Variants in SUGCT observed in about 807,000 individuals in gnomAD.
SUGCT encodes succinyl-CoA:glutarate CoA-transferase.
Under a neutral mutation model 55.0 loss-of-function variants are expected in SUGCT, and 41 were observed. The observed-to-expected ratio is 0.74, with a 90% CI of 0.58 to 0.97. SUGCT has a LOEUF of 0.97. SUGCT is among the 50% of genes least tolerant of loss of function. The pLI is 0.00. For synonymous variants in SUGCT, 187 were observed against 200.4 expected (o/e 0.93, Z 0.56); for missense variants, 568 against 547.8 (o/e 1.04, Z -0.37).
At chr7:40,430,024 T>G (rs146654029) in intron 9 of SUGCT, among the ~76,000 whole-genome samples, 5 of 152,184 alleles carry the variant, frequency 3.3e-5, no homozygotes, top group Non-Finnish European at 5.9e-5. Flanking sequence ...TTTTAAAAGC[T>G]GAACAATATA....
At chr7:40,919,404 C>T in the SUGCT span, among the ~76,000 whole-genome samples, 53 of 152,356 alleles carry the variant, frequency 3.5e-4, no homozygotes, top group Admixed American at 1.7e-3. Flanking sequence ...ACCATCTTCA[C>T]CATTTTCTGT....
chr7:40,460,046 T>C (rs1398660386), intron 11 of SUGCT, among the ~76,000 whole-genome samples: 2 of 152,204 alleles, frequency 1.3e-5, no homozygotes, highest in East Asian at 3.8e-4. Flanking sequence ...TTAAATACCA[T>C]ATTTAGCCTT....
intron 1 of SUGCT, among the ~76,000 whole-genome samples, chr7:40,176,037 G>T (rs1315442708): frequency 6.6e-6 from 1 of 152,072 alleles, no homozygotes; most frequent in Non-Finnish European, 1.5e-5. Context: ...TTGGAGATCA[G>T]CCTGGCCAAC....
chr7:40,357,728 T>A (rs1405256450), intron 9 of SUGCT, among the ~76,000 whole-genome samples: 4 of 152,158 alleles, frequency 2.6e-5, no homozygotes, highest in Admixed American at 1.3e-4. Context: ...TTTATCTTTT[T>A]TCTTTTTTCT....
chr7:40,291,606 G>A (rs1001081182), intron 8 of SUGCT, among the ~76,000 whole-genome samples: 3 of 151,252 alleles, frequency 2.0e-5, no homozygotes, highest in Non-Finnish European at 4.4e-5. Context: ...GTATACATAT[G>A]TAACAAACCT....
At chr7:40,378,111 G>T (rs1784694019) in intron 9 of SUGCT, among the ~76,000 whole-genome samples, 1 of 27,884 alleles carries the variant, frequency 3.6e-5, no homozygotes, top group African/African-American at 7.1e-5. Context: ...TGATGTGTAG[G>T]ATATTTTTTT....
chr7:40,973,552 A>C, the SUGCT span, among the ~76,000 whole-genome samples: 1 of 152,322 alleles, frequency 6.6e-6, no homozygotes, highest in South Asian at 2.1e-4. Flanking sequence ...GCACGTCTGA[A>C]CTATCAGAGA....
At chr7:40,167,479 G>T (rs1329044196) in intron 1 of SUGCT, among the ~76,000 whole-genome samples, 1 of 152,112 alleles carries the variant, frequency 6.6e-6, no homozygotes, top group East Asian at 1.9e-4. Context: ...CCAAGATGGT[G>T]GCAGGCTGCT....
intron 12 of SUGCT, among the ~76,000 whole-genome samples, chr7:40,540,931 C>T (rs1406994215): frequency 6.6e-6 from 1 of 152,218 alleles, no homozygotes; most frequent in African/African-American, 2.4e-5. Context: ...CAATATGTAA[C>T]TGTTCTCATC....
At chr7:40,938,419 G>T in the SUGCT span, among the ~76,000 whole-genome samples, 1 of 150,372 alleles carries the variant, frequency 6.7e-6, no homozygotes, top group African/African-American at 2.5e-5. Flanking sequence ...TTGCCCTGAA[G>T]ATTACAAATA....
chr7:40,936,429 A>G, the SUGCT span, among the ~76,000 whole-genome samples: 7 of 151,776 alleles, frequency 4.6e-5, no homozygotes, highest in Non-Finnish European at 8.8e-5. Context: ...TTTTGTTATT[A>G]TTAATAATGT....
At chr7:40,483,951 G>A (rs748876517) in intron 11 of SUGCT, among the ~76,000 whole-genome samples, 4 of 152,140 alleles carry the variant, frequency 2.6e-5, no homozygotes, top group African/African-American at 4.8e-5. Flanking sequence ...CTGACTGAGA[G>A]GCTCTGCTTC....
chr7:40,905,417 T>C, the SUGCT span, among the ~76,000 whole-genome samples: 2 of 152,232 alleles, frequency 1.3e-5, no homozygotes, highest in African/African-American at 4.8e-5. Context: ...AGAGCAAGCA[T>C]AACTAATATT....
the SUGCT span, among the ~76,000 whole-genome samples, chr7:40,983,189 A>G: frequency 1.3e-5 from 2 of 152,002 alleles, no homozygotes; most frequent in Non-Finnish European, 2.9e-5. Context: ...GTTGTAGATC[A>G]TGTTCCTTCA....
chr7:40,974,309 A>G, the SUGCT span, among the ~76,000 whole-genome samples: 1 of 152,210 alleles, frequency 6.6e-6, no homozygotes, highest in Non-Finnish European at 1.5e-5. Context: ...ATAACCCTCC[A>G]ATGTGACTAT....
At chr7:40,355,018 A>G (rs74348646) in intron 9 of SUGCT, among the ~76,000 whole-genome samples, 2,498 of 152,214 alleles carry the variant, frequency 0.016, 46 homozygotes, top group African/African-American at 0.051. Flanking sequence ...ATCGTACCTC[A>G]GTCATTAGTT....
chr7:40,559,547 G>GAA (rs1795733244), intron 12 of SUGCT, among the ~76,000 whole-genome samples: 1 of 152,190 alleles, frequency 6.6e-6, no homozygotes, highest in Non-Finnish European at 1.5e-5. Flanking sequence ...AAATGAAGAA[G>GAA]AAAGGGGGTG....
intron 12 of SUGCT, among the ~76,000 whole-genome samples, chr7:40,666,847 C>T (rs182488939): frequency 1.3e-5 from 2 of 152,120 alleles, no homozygotes; most frequent in East Asian, 1.9e-4. Flanking sequence ...ATCATGGACT[C>T]GCAACTTGAA....
At chr7:40,862,300 G>A (rs1426039962), downstream of SUGCT, among the ~76,000 whole-genome samples, 1 of 152,160 alleles carries the variant, frequency 6.6e-6, no homozygotes, top group Non-Finnish European at 1.5e-5. Flanking sequence ...AATCATATAT[G>A]TAAGTGTCTA....
Sources: gnomAD v4.1 joint callset for allele counts (sites outside exome capture counted in the v4.1 genomes callset) on GRCh38, gnomAD v4.1.1 for gene constraint, MANE v1.5 for transcripts, NCBI Gene and HGNC (gene_info 2026-07-23, HGNC 2026-07-21) for gene names.